The following CACNB2 variants were observed in gnomAD, a reference collection of about 807,000 sequenced individuals.
The protein encoded by CACNB2 is calcium voltage-gated channel auxiliary subunit beta 2.
A neutral mutation model predicts 73.3 loss-of-function variants in CACNB2; 42 were observed. The ratio of observed to expected loss-of-function variants is 0.57; its 90% confidence interval spans 0.45 to 0.74. The LOEUF (loss-of-function observed/expected upper bound fraction) is 0.74. CACNB2 is among the 30% of genes least tolerant of loss of function. The probability of loss-of-function intolerance (pLI) is 0.00; values close to 1 mark genes in which losing one functional copy is unlikely to be tolerated. For synonymous variants in CACNB2, 348 were observed against 310.3 expected (o/e 1.12, Z -1.28); for missense variants, 940 against 853.0 (o/e 1.10, Z -1.27).
intron 2 of CACNB2, among the ~76,000 whole-genome samples, chr10:18,178,579 AGT>A (rs911507203): frequency 6.6e-6 from 1 of 152,130 alleles, no homozygotes; most frequent in Middle Eastern, 3.2e-3. Context: ...ACACAAAGAT[AGT>A]GATTTGGGAG....
chr10:18,213,810 G>T (rs2035409758), intron 2 of CACNB2, among the ~76,000 whole-genome samples: 1 of 152,184 alleles, frequency 6.6e-6, no homozygotes. Context: ...AGTATCTGTG[G>T]CCAAGAATTA....
intron 2 of CACNB2, among the ~76,000 whole-genome samples, chr10:18,316,619 A>G (rs2040196769): frequency 6.6e-6 from 1 of 152,054 alleles, no homozygotes. Context: ...ACATGGCACT[A>G]TGCCTGGTTA....
At chr10:18,178,705 C>T (rs548258312) in intron 2 of CACNB2, among the ~76,000 whole-genome samples, 30 of 152,212 alleles carry the variant, frequency 2.0e-4, no homozygotes, top group African/African-American at 6.3e-4. Flanking sequence ...AGCAGATATT[C>T]GGTGAAATAT....
chr10:18,385,400 T>A (rs1203470218), intron 2 of CACNB2, among the ~76,000 whole-genome samples: 1 of 118,946 alleles, frequency 8.4e-6, no homozygotes, highest in Non-Finnish European at 1.6e-5. Flanking sequence ...TTTAAAAATG[T>A]GCAGCCACTT....
chr10:18,536,275 G>GTTTTTTTTTTTTTTTTTTTTTTTT lies in CACNB2; in HGVS notation c.1302+79_1302+80insTTTTTTTTTTTTTTTTTTTTTTTT, dbSNP rs2053587888. ...TTTTTTTTTTTTTTTTTTTTTTTTG[G>GTTTTTTTTTTTTTTTTTTTTTTTT]GGGACAAGGTCTTGCTCTGTTGCCC... is the stretch of plus-strand genomic sequence containing the variant. On this transcript the variant is annotated intron_variant, in intron 12 of 13. Coordinates refer to ENST00000324631, the MANE Select transcript of CACNB2 (RefSeq NM_201596.3). The GTTTTTTTTTTTTTTTTTTTTTTTT allele has an allele frequency of 6.9e-4, 64 of 92,510 alleles. 13 individuals carry two copies. The highest frequency in any genetic ancestry group is 2.3e-3 in the African/African-American group (23 of 10,156). The allele number at this position is 92,510 out of a possible 1,614,324, so 5.7% of individuals were successfully genotyped here.
At chr10:18,456,088 T>C (rs1275398295) in intron 3 of CACNB2, among the ~76,000 whole-genome samples, 2 of 152,230 alleles carry the variant, frequency 1.3e-5, no homozygotes, top group Admixed American at 1.3e-4. Context: ...TTGTCAATTA[T>C]TCTTCTTCCT....
intron 2 of CACNB2, among the ~76,000 whole-genome samples, chr10:18,189,614 T>G (rs922332271): frequency 5.9e-5 from 9 of 152,348 alleles, no homozygotes; most frequent in Non-Finnish European, 1.5e-5. Context: ...TTTAAATACT[T>G]TTTTATTATA....
At position 18,318,171 on chromosome 10, in the gene CACNB2, G is replaced by A. The variant is rs540961699; in HGVS notation, c.214-83753G>A. Among the ~76,000 whole-genome samples, 10 of 152,176 alleles carry A rather than the reference G, an allele frequency of 6.6e-5. No individual in the cohort carries two copies. In the East Asian group the frequency reaches 1.9e-3, roughly 29 times the overall value. Reference sequence around the variant, plus strand: ...AAAAAGAGCCTGTATAGTCAAAACAGTCCTAGGCAAAAATAACAAAGCTGG... The same window carrying A: ...AAAAAGAGCCTGTATAGTCAAAACAATCCTAGGCAAAAATAACAAAGCTGG... On this transcript the variant is annotated intron_variant, in intron 2 of 13. Coordinates refer to ENST00000324631, the MANE Select transcript of CACNB2 (RefSeq NM_201596.3).
rs1019812657 is a variant in CACNB2, at chr10:18,258,713, C to T, written c.213+107738C>T. On this transcript the variant is annotated intron_variant, in intron 2 of 13. Transcript: ENST00000324631. ...TGCACTCGAGCCTGGGTGACAAGAG[C>T]GAAACTCTGTGTCAAAAACAAACAA... 4.0e-5 allele frequency among the ~76,000 whole-genome samples: 6 copies of T among 151,646 alleles called. No individual in the cohort carries two copies. The East Asian group carries it at 7.7e-4, about 20-fold the overall frequency.
At chr10:18,287,464 T>C (rs969947850) in intron 2 of CACNB2, among the ~76,000 whole-genome samples, 3 of 152,224 alleles carry the variant, frequency 2.0e-5, no homozygotes, top group African/African-American at 7.2e-5. Flanking sequence ...ATTTGACATC[T>C]GTATTAGCTA....
chr10:18,400,704 G>A, intron 2 of CACNB2: 5 of 1,104,796 alleles, frequency 4.5e-6, no homozygotes, highest in Non-Finnish European at 5.5e-6. Flanking sequence ...TGAGCGCAGG[G>A]AAGAGAATGT....
intron 3 of CACNB2, among the ~76,000 whole-genome samples, chr10:18,416,420 GCTT>G (rs2044966452): frequency 1.3e-5 from 2 of 152,116 alleles, no homozygotes; most frequent in South Asian, 4.1e-4. Context: ...AGTTTTGTTT[GCTT>G]CTTTGTTTTT....
intron 1 of CACNB2, among the ~76,000 whole-genome samples, chr10:18,142,339 C>G (rs986772402): frequency 6.6e-6 from 1 of 152,156 alleles, no homozygotes; most frequent in Non-Finnish European, 1.5e-5. Flanking sequence ...CTTCACAAGC[C>G]GAGTAGGGAC....
chr10:18,254,296 G>A (rs1186359742), intron 2 of CACNB2, among the ~76,000 whole-genome samples: 2 of 152,176 alleles, frequency 1.3e-5, no homozygotes, highest in African/African-American at 4.8e-5. Flanking sequence ...ACACAATCTT[G>A]TTCTCACAAT....
chr10:18,476,151 C>CCCTT (rs1369974667), intron 3 of CACNB2, among the ~76,000 whole-genome samples: 1 of 152,138 alleles, frequency 6.6e-6, no homozygotes, highest in Non-Finnish European at 1.5e-5. Context: ...GGGTTCCTCC[C>CCCTT]CCTTTTAGAC....
chr10:18,494,631 CA>C (rs909672661), intron 3 of CACNB2, among the ~76,000 whole-genome samples: 1,988 of 61,800 alleles, frequency 0.032, 9 homozygotes, highest in Non-Finnish European at 0.047. Flanking sequence ...GACTCCGTCT[CA>C]AAAAAAAAAA....
intron 2 of CACNB2, among the ~76,000 whole-genome samples, chr10:18,187,901 A>G (rs1256281365): frequency 6.6e-6 from 1 of 152,190 alleles, no homozygotes; most frequent in Non-Finnish European, 1.5e-5. Flanking sequence ...TCCACATGTA[A>G]TTGTGGAGAA....
intron 2 of CACNB2, among the ~76,000 whole-genome samples, chr10:18,154,544 T>G (rs2031880749): frequency 6.6e-6 from 1 of 152,172 alleles, no homozygotes; most frequent in South Asian, 2.1e-4. Context: ...CTTGGCTCAC[T>G]GCAACCTCCA....
chr10:18,228,662 A>G (rs1279401988), intron 2 of CACNB2, among the ~76,000 whole-genome samples: 26 of 152,114 alleles, frequency 1.7e-4, no homozygotes. Context: ...TGGGACAGAT[A>G]TCACTCAATG....
Sources: allele counts gnomAD v4.1 joint callset (sites outside exome capture counted in the v4.1 genomes callset), GRCh38; gene constraint gnomAD v4.1.1; transcripts MANE v1.5; gene names NCBI Gene and HGNC (gene_info 2026-07-23, HGNC 2026-07-21).